SYBU: variants seen among roughly 807,000 people sequenced by gnomAD.
The protein encoded by SYBU is syntabulin, also known as GOLSYN A protein.
SYBU carries 21 observed loss-of-function variants against 35.9 expected under a neutral mutation model. That is an observed-to-expected ratio of 0.58 (90% CI 0.41 to 0.84). SYBU has a LOEUF of 0.84. Ranked by LOEUF, SYBU falls within the 40% of genes least tolerant of loss-of-function variation. The pLI is 0.00. For missense variants in SYBU, 768 were observed against 848.2 expected (o/e 0.91, Z 1.17); for synonymous variants, 319 against 324.3 (o/e 0.98, Z 0.18).
chr8:109,602,330 T>C (rs1563708907), intron 3 of SYBU, among the ~76,000 whole-genome samples: 1 of 151,958 alleles, frequency 6.6e-6, no homozygotes, highest in Non-Finnish European at 1.5e-5. Flanking sequence ...AAGAACAATG[T>C]CTCTTATATA....
intron 4 of SYBU, among the ~76,000 whole-genome samples, chr8:109,583,639 A>G (rs1490005887): frequency 2.0e-5 from 3 of 152,078 alleles, no homozygotes; most frequent in South Asian, 2.1e-4. Context: ...GAAGCAGCCA[A>G]TTGAAAGGAT....
rs1822040596 is a variant in SYBU at position 109,574,975 on chromosome 8, G to A, written c.1923C>T (p.Ala641=). ...GGTDPVYNIG[A]LLRGCCVVAL... ...CAACCACGCAACAGCCCCTGAGCAA[G>A]GCCCCGATGTTATACACAGGATCCG... is the stretch of plus-strand genomic sequence containing the variant. Residue 641 remains alanine, a synonymous_variant, in exon 7 of 7, where the codon GCC becomes GCT. Transcript: ENST00000276646. The A allele has an allele frequency of 6.5e-7, 1 of 1,530,170 alleles. No homozygotes were observed. Among genetic ancestry groups the A allele is most frequent in the African/African-American group, 1.4e-5 (1 of 72,036 alleles). 94.8% of individuals were successfully genotyped at this position (1,530,170 alleles called of 1,614,324 possible).
chr8:109,677,606 A>G (rs955409435), intron 1 of SYBU, among the ~76,000 whole-genome samples: 4 of 152,208 alleles, frequency 2.6e-5, no homozygotes, highest in African/African-American at 9.7e-5. Flanking sequence ...CTGAGGAAGG[A>G]AGGTGAAAAC....
At chr8:109,642,672 A>G in intron 2 of SYBU, 56 bp downstream of exon 2, 1 of 1,259,418 alleles carries the variant, frequency 7.9e-7, no homozygotes, top group African/African-American at 1.5e-5. Context: ...CCCATTCACA[A>G]TGCACCTGCA....
At chr8:109,636,913 A>G (rs936513850) in intron 2 of SYBU, among the ~76,000 whole-genome samples, 1 of 152,210 alleles carries the variant, frequency 6.6e-6, no homozygotes, top group African/African-American at 2.4e-5. Flanking sequence ...TACAATTTCC[A>G]GGGACTGTGG....
intron 5 of SYBU, among the ~76,000 whole-genome samples, chr8:109,578,621 G>A (rs1300445624): frequency 6.6e-6 from 1 of 152,186 alleles, no homozygotes; most frequent in Admixed American, 6.5e-5. Flanking sequence ...AGGGACCGTG[G>A]AGGAGGAGAA....
At chr8:109,675,085 A>G (rs1303656251) in intron 1 of SYBU, among the ~76,000 whole-genome samples, 1 of 152,256 alleles carries the variant, frequency 6.6e-6, no homozygotes, top group Non-Finnish European at 1.5e-5. Flanking sequence ...AGTTATTTGA[A>G]ACCAACGAGA....
Position 109,577,198 on chromosome 8 carries a change from G to A in SYBU, c.884+670C>T, listed in dbSNP as rs571879876. Among the ~76,000 whole-genome samples, 5 of 152,264 alleles carry A rather than the reference G, an allele frequency of 3.3e-5. No homozygotes were observed. The East Asian group carries it at 9.7e-4, about 29-fold the overall frequency. ...GCTGATCAGGTAGCCCAGACTCTTA[G>A]AGAATGCACATGCCACCCTCACCCT... On this transcript the variant is annotated intron_variant, in intron 6 of 6. Coordinates refer to ENST00000276646, the MANE Select transcript of SYBU (RefSeq NM_001099754.2).
chr8:109,671,560 C>A (rs1047413931), intron 1 of SYBU, among the ~76,000 whole-genome samples: 12 of 152,162 alleles, frequency 7.9e-5, no homozygotes, highest in Non-Finnish European at 8.8e-5. Flanking sequence ...GCCAACAGCA[C>A]CTTACCCTAA....
chr8:109,582,817 T>G (rs1007435774), intron 4 of SYBU, among the ~76,000 whole-genome samples: 4 of 152,064 alleles, frequency 2.6e-5, no homozygotes, highest in African/African-American at 9.7e-5. Flanking sequence ...CCTAATCCAG[T>G]TTAACTGGTG....
chr8:109,643,125 C>A, intron 1 of SYBU, 193 bp from the exon 2 acceptor site: 1 of 1,320,662 alleles, frequency 7.6e-7, no homozygotes, highest in East Asian at 3.0e-5. Flanking sequence ...TTCTAATCTA[C>A]TGAATAGCAC....
chr8:109,642,627 A>C, intron 2 of SYBU, 101 bp downstream of exon 2: 2 of 644,160 alleles, frequency 3.1e-6, no homozygotes, highest in Non-Finnish European at 4.8e-6. Flanking sequence ...TAATAGTAGA[A>C]GTGTAGTTCT....
chr8:109,664,836 T>G (rs3108869), intron 1 of SYBU, among the ~76,000 whole-genome samples: 47,313 of 151,948 alleles, frequency 0.31, 8,684 homozygotes, highest in East Asian at 0.52. Context: ...GAGGGCAGAA[T>G]AACCATTCTG....
chr8:109,620,406 T>C (rs112914339), intron 2 of SYBU, among the ~76,000 whole-genome samples: 46 of 152,298 alleles, frequency 3.0e-4, no homozygotes, highest in African/African-American at 1.1e-3. Context: ...TGAATAAAGA[T>C]AGAAACAGAA....
chr8:109,668,185 A>AGAGAGAGAAT (rs1816835790), intron 1 of SYBU, among the ~76,000 whole-genome samples: 1 of 145,902 alleles, frequency 6.9e-6, no homozygotes, highest in African/African-American at 2.6e-5. Flanking sequence ...AGAGAGAGAG[A>AGAGAGAGAAT]GAGAGAGAGA....
intron 1 of SYBU, among the ~76,000 whole-genome samples, chr8:109,665,424 G>C (rs1173824513): frequency 6.6e-6 from 1 of 152,152 alleles, no homozygotes; most frequent in Non-Finnish European, 1.5e-5. Flanking sequence ...GATTTGGGTA[G>C]TTTTCTAATA....
At chr8:109,645,091 C>A (rs1323564004), upstream of SYBU, 1 of 475,640 alleles carries the variant, frequency 2.1e-6, no homozygotes, top group Non-Finnish European at 4.1e-6. Context: ...TGACCCCACC[C>A]TCTTTTTTTT....
intron 1 of SYBU, chr8:109,643,809 A>G (rs180786893): frequency 6.1e-6 from 2 of 326,336 alleles, no homozygotes; most frequent in Non-Finnish European, 1.2e-5. Context: ...AGATGAGGAA[A>G]CAGGCTAAAT....
intron 3 of SYBU, chr8:109,608,089 A>G: frequency 2.8e-6 from 2 of 709,522 alleles, no homozygotes; most frequent in Non-Finnish European, 4.4e-6. Context: ...CAGGGCAAGG[A>G]AGTTACTCTG....
Sources: gnomAD v4.1 joint callset for allele counts (sites outside exome capture counted in the v4.1 genomes callset) on GRCh38, gnomAD v4.1.1 for gene constraint, MANE v1.5 for transcripts, NCBI Gene and HGNC (gene_info 2026-07-23, HGNC 2026-07-21) for gene names.